PCDHGA5: variants seen among roughly 807,000 people sequenced by gnomAD.
PCDHGA5 encodes the protein protocadherin gamma subfamily A, 5, also known as protocadherin gamma-A5.
Under a neutral mutation model 56.7 loss-of-function variants are expected in PCDHGA5, and 36 were observed. That is an observed-to-expected ratio of 0.64 (90% CI 0.49 to 0.84). PCDHGA5 has a LOEUF of 0.84. PCDHGA5 is among the 40% of genes least tolerant of loss of function. PCDHGA5 has a pLI of 0.00. For missense variants in PCDHGA5, 1,305 were observed against 1,201.5 expected (o/e 1.09, Z -1.27); for synonymous variants, 563 against 520.2 (o/e 1.08, Z -1.12).
chr5:141,451,565 C>A (rs1336048717), intron 1 of PCDHGA5, among the ~76,000 whole-genome samples: 2 of 152,062 alleles, frequency 1.3e-5, no homozygotes, highest in South Asian at 2.1e-4. Flanking sequence ...AAGCCACAAT[C>A]TTTTTATAAA....
intron 1 of PCDHGA5, chr5:141,427,957 C>G (rs770633827): frequency 1.3e-5 from 20 of 1,588,284 alleles, no homozygotes; most frequent in African/African-American, 2.7e-5. Flanking sequence ...GACAATGTGC[C>G]GCGGGTGCTG....
chr5:141,384,384 C>A (rs142665639), intron 1 of PCDHGA5: 102 of 1,613,934 alleles, frequency 6.3e-5, no homozygotes, highest in Non-Finnish European at 8.3e-5. Context: ...CCGAAGACAC[C>A]ATCCAGGGGG....
chr5:141,428,098 A>C (rs1387848300), intron 1 of PCDHGA5: 1 of 1,608,664 alleles, frequency 6.2e-7, no homozygotes, highest in South Asian at 1.1e-5. Context: ...CTGTCCTACC[A>C]CGTGCTGCAG....
At chr5:141,370,963 G>A in intron 1 of PCDHGA5, 1 of 1,614,018 alleles carries the variant, frequency 6.2e-7, no homozygotes, top group Non-Finnish European at 8.5e-7. Flanking sequence ...GATGGCAGTA[G>A]GTACCCAGAG....
chr5:141,409,997 G>T, intron 1 of PCDHGA5: 3 of 1,613,224 alleles, frequency 1.9e-6, no homozygotes, highest in Non-Finnish European at 2.5e-6. Flanking sequence ...CGCCGACTCG[G>T]GACACAACGC....
chr5:141,393,136 C>A (rs1188231861), intron 1 of PCDHGA5: 3 of 1,613,306 alleles, frequency 1.9e-6, no homozygotes, highest in Admixed American at 1.7e-5. Flanking sequence ...AATATTAACA[C>A]CCTGGTTGAG....
Position 141,486,657 on chromosome 5 carries a change from T to C in PCDHGA5, c.2422-8150T>C. Reference sequence around the variant, plus strand: ...AATGCGCTTATCTCCTACTCACTCCTGGAGCCCAGGAATCGAGATGTATCA... The same window carrying C: ...AATGCGCTTATCTCCTACTCACTCCCGGAGCCCAGGAATCGAGATGTATCA... On this transcript the variant is annotated intron_variant, in intron 1 of 3. Transcript: ENST00000518069. The surrounding 1 kb of genome is among the most constrained non-coding windows in gnomAD (Gnocchi z 5.0). The C allele has an allele frequency of 6.2e-7, 1 of 1,614,010 alleles. No individual in the cohort carries two copies. Among genetic ancestry groups the C allele is most frequent in the Non-Finnish European group, 8.5e-7 (1 of 1,180,030 alleles).
intron 1 of PCDHGA5, among the ~76,000 whole-genome samples, chr5:141,467,955 G>A (rs1049980375): frequency 2.0e-5 from 3 of 151,666 alleles, no homozygotes; most frequent in Non-Finnish European, 2.9e-5. Context: ...CACCACACCC[G>A]GCTGCCAGAA....
At chr5:141,383,066 C>T (rs1305703893) in intron 1 of PCDHGA5, 1 of 1,613,826 alleles carries the variant, frequency 6.2e-7, no homozygotes, top group Admixed American at 1.7e-5. Flanking sequence ...GGGCTGGAGC[C>T]CCGGGAGCTG....
At chr5:141,424,198 C>A (rs116187844) in intron 1 of PCDHGA5, 2 of 181,904 alleles carry the variant, frequency 1.1e-5, no homozygotes, top group South Asian at 1.9e-4. Context: ...CACTTATACA[C>A]GTAAGCTTTT....
In PCDHGA5 at chr5:141,386,024, TG is replaced by T. The variant is rs758923656; in HGVS notation, c.2421+19274del. The T allele has an allele frequency of 2.6e-5, 4 of 152,242 alleles. No homozygotes were observed. The East Asian group carries it at 5.8e-4, about 22-fold the overall frequency. 9.4% of individuals were successfully genotyped at this position (152,242 alleles called of 1,614,324 possible). On this transcript the variant is annotated intron_variant, in intron 1 of 3. Transcript: ENST00000518069. ...CATTTTAAGTGTTGTAATTGGCATTTGTGACATAGGCAATTACATGTTTTAA... is the reference window on the plus strand; with the variant it reads ...CATTTTAAGTGTTGTAATTGGCATTTTGACATAGGCAATTACATGTTTTAA...
chr5:141,410,410 A>G, intron 1 of PCDHGA5: 1 of 1,613,986 alleles, frequency 6.2e-7, no homozygotes, highest in Non-Finnish European at 8.5e-7. Context: ...TCAAGTCTGG[A>G]CCTGTAGTTC....
chr5:141,395,195 C>T (rs1317395472), intron 1 of PCDHGA5: 1 of 1,613,760 alleles, frequency 6.2e-7, no homozygotes, highest in Admixed American at 1.7e-5. Context: ...TGTTAACATC[C>T]GTAGATTTTC....
rs748115530 is a variant in PCDHGA5 at position 141,489,429 on chromosome 5, G to C, written c.2422-5378G>C. 5 of 1,614,022 alleles carry C rather than the reference G, an allele frequency of 3.1e-6. No individual in the cohort carries two copies. The East Asian group carries it at 8.9e-5, about 29-fold the overall frequency. ...AGATGACAGATCTGTTGAGCCGGCG[G>C]CTGCAATTGGGCTCTGAGGAGAATG... On this transcript the variant is annotated intron_variant, in intron 1 of 3. Transcript: ENST00000518069. The surrounding 1 kb of genome is among the most constrained non-coding windows in gnomAD (Gnocchi z 4.5).
chr5:141,372,918 G>C (rs1350578389), intron 1 of PCDHGA5: 1 of 1,022,894 alleles, frequency 9.8e-7, no homozygotes, highest in African/African-American at 1.6e-5. Context: ...TTATTTTATT[G>C]ATTTTCTGGT....
At chr5:141,392,577 T>C in intron 1 of PCDHGA5, 1 of 462,996 alleles carries the variant, frequency 2.2e-6, no homozygotes. Context: ...TTTAGGACTG[T>C]AAGCGCCGCT....
intron 2 of PCDHGA5, among the ~76,000 whole-genome samples, chr5:141,504,179 A>C (rs1247627456): frequency 6.6e-6 from 1 of 152,240 alleles, no homozygotes; most frequent in Non-Finnish European, 1.5e-5. Context: ...AATTCAAAAA[A>C]ATCATGAAAA....
Position 141,485,751 on chromosome 5 carries a change from A to G in PCDHGA5, c.2422-9056A>G. ...CGCAGCGACGGCAGCCTGGTCCCAG[A>G]GCTGCTCCTGGAGAAGCCTTTGGAT... is the stretch of plus-strand genomic sequence containing the variant. On this transcript the variant is annotated intron_variant, in intron 1 of 3. Coordinates refer to ENST00000518069, the MANE Select transcript of PCDHGA5 (RefSeq NM_018918.3). This position sits in a 1 kb window ranked among gnomAD's most constrained non-coding sequence, Gnocchi z 5.7. 6.2e-7 allele frequency: 1 copy of G among 1,614,166 alleles called. No individual in the cohort carries two copies. Among genetic ancestry groups the G allele is most frequent in the Non-Finnish European group, 8.5e-7 (1 of 1,179,998 alleles).
chr5:141,376,169 G>C (rs779538880), intron 1 of PCDHGA5: 1 of 1,614,106 alleles, frequency 6.2e-7, no homozygotes, highest in South Asian at 1.1e-5. Flanking sequence ...CCTGGTGGTG[G>C]CGGTGGCCGC....
Sources: gnomAD v4.1 joint callset for allele counts (sites outside exome capture counted in the v4.1 genomes callset) on GRCh38, gnomAD v4.1.1 for gene constraint, Gnocchi (gnomAD v3.1) non-coding constraint, MANE v1.5 for transcripts, NCBI Gene and HGNC (gene_info 2026-07-23, HGNC 2026-07-21) for gene names.